The following MARCHF10 variants were observed in gnomAD, a reference collection of about 807,000 sequenced individuals.
MARCHF10 encodes probable E3 ubiquitin-protein ligase MARCHF10.
A neutral mutation model predicts 76.2 loss-of-function variants in MARCHF10; 64 were observed. The observed-to-expected ratio is 0.84, with a 90% confidence interval of 0.69 to 1.03. The LOEUF (loss-of-function observed/expected upper bound fraction) is 1.03, where lower values mean the gene tolerates loss of function less well. Among genes scored for constraint, MARCHF10 ranks in the 50% least tolerant of loss-of-function variants. The pLI is 0.00. For missense variants in MARCHF10, 875 were observed against 958.0 expected (o/e 0.91, Z 1.14); for synonymous variants, 340 against 357.5 (o/e 0.95, Z 0.55).
At chr17:62,788,404 A>ATC in intron 3 of MARCHF10, 76 bp downstream of exon 3, 2 of 1,557,436 alleles carry the variant, frequency 1.3e-6, no homozygotes, top group Non-Finnish European at 1.7e-6. Flanking sequence ...TTTTTCCTAC[A>ATC]TCACACACAC....
chr17:62,704,575 C>T (rs1441616432), intron 10 of MARCHF10, among the ~76,000 whole-genome samples: 1 of 152,258 alleles, frequency 6.6e-6, no homozygotes, highest in Non-Finnish European at 1.5e-5. Flanking sequence ...TGGTTCGCGC[C>T]TTCCAGGCAG....
At chr17:62,759,100 G>C (rs531678961) in intron 4 of MARCHF10, among the ~76,000 whole-genome samples, 14 of 152,344 alleles carry the variant, frequency 9.2e-5, no homozygotes, top group Admixed American at 9.1e-4. Context: ...TTTTCTCTCA[G>C]AGAGGACAAA....
intron 2 of MARCHF10, among the ~76,000 whole-genome samples, 187 bp downstream of exon 2, chr17:62,801,459 G>GT (rs370268977): frequency 0.062 from 8,507 of 137,056 alleles, 583 homozygotes; most frequent in African/African-American, 0.17. Context: ...AGCTATCCCC[G>GT]TTTTTTTTTT....
At chr17:62,715,146 C>T (rs1219488306) in intron 8 of MARCHF10, among the ~76,000 whole-genome samples, 3 of 152,200 alleles carry the variant, frequency 2.0e-5, no homozygotes, top group Admixed American at 1.3e-4. Flanking sequence ...TGCTAACGCT[C>T]CTGGTTTGGG....
chr17:62,751,492 T>C (rs2091896815), intron 4 of MARCHF10, among the ~76,000 whole-genome samples: 1 of 152,174 alleles, frequency 6.6e-6, no homozygotes, highest in African/African-American at 2.4e-5. Flanking sequence ...AGCAAGGATC[T>C]GAGACAGCTG....
intron 1 of MARCHF10, among the ~76,000 whole-genome samples, chr17:62,805,970 C>G (rs537126955): frequency 6.6e-5 from 10 of 152,006 alleles, no homozygotes; most frequent in Non-Finnish European, 1.5e-4. Flanking sequence ...AAAAGTCTCT[C>G]TTCCTTCCCA....
chr17:62,774,076 T>A (rs569641750), intron 3 of MARCHF10, among the ~76,000 whole-genome samples: 1 of 152,006 alleles, frequency 6.6e-6, no homozygotes, highest in Admixed American at 6.5e-5. Context: ...GAAAGAGGAA[T>A]CCACGGGCGA....
intron 6 of MARCHF10, among the ~76,000 whole-genome samples, chr17:62,734,610 A>G (rs1390200330): frequency 6.6e-6 from 1 of 152,262 alleles, no homozygotes; most frequent in Non-Finnish European, 1.5e-5. Flanking sequence ...ATGCAAAGAT[A>G]AAAGACTAGA....
At chr17:62,715,898 G>A (rs990384270) in intron 8 of MARCHF10, among the ~76,000 whole-genome samples, 2 of 152,166 alleles carry the variant, frequency 1.3e-5, no homozygotes, top group Non-Finnish European at 2.9e-5. Context: ...AGGAAAACGT[G>A]CTCTGACGGG....
At position 62,744,817 on chromosome 17, in the gene MARCHF10, C is replaced by G. The variant is rs1378885701; in HGVS notation, c.383-289G>C. ...TCACCTGAGGTCAGGAGTTTGAGACCAGCATGGCCAACATGGTGAAACCCC... is the reference window on the plus strand; with the variant it reads ...TCACCTGAGGTCAGGAGTTTGAGACGAGCATGGCCAACATGGTGAAACCCC... On this transcript the variant is annotated intron_variant, in intron 4 of 10. Transcript: ENST00000311269. Among the ~76,000 whole-genome samples, 3 of 151,914 alleles carry G rather than the reference C, an allele frequency of 2.0e-5. No individual in the cohort carries two copies. The East Asian group carries it at 5.9e-4, about 30-fold the overall frequency.
chr17:62,756,379 G>C (rs1047835290), intron 4 of MARCHF10, among the ~76,000 whole-genome samples: 1 of 152,164 alleles, frequency 6.6e-6, no homozygotes, highest in East Asian at 1.9e-4. Flanking sequence ...CCAGGAGTTT[G>C]AGGTTGCAGT....
At chr17:62,759,672 C>T (rs2092140861) in intron 4 of MARCHF10, among the ~76,000 whole-genome samples, 163 bp downstream of exon 4, 1 of 152,072 alleles carries the variant, frequency 6.6e-6, no homozygotes, top group African/African-American at 2.4e-5. Context: ...GATTTCACCA[C>T]GCTGGCCAGG....
chr17:62,789,772 T>C (rs2092811773), intron 2 of MARCHF10, among the ~76,000 whole-genome samples: 1 of 152,076 alleles, frequency 6.6e-6, no homozygotes. Flanking sequence ...ACCCTGTTTC[T>C]ACTAAAAATA....
intron 2 of MARCHF10, among the ~76,000 whole-genome samples, chr17:62,791,726 G>A (rs1025248737): frequency 2.6e-5 from 4 of 152,170 alleles, no homozygotes; most frequent in African/African-American, 9.7e-5. Flanking sequence ...CAGACTCACA[G>A]TCGTAGAAGC....
chr17:62,775,507 C>CT (rs531530683), intron 3 of MARCHF10, among the ~76,000 whole-genome samples: 8 of 146,702 alleles, frequency 5.5e-5, no homozygotes, highest in African/African-American at 2.1e-4. Context: ...GTCAGCCACT[C>CT]GGGGGGGGGC....
intron 3 of MARCHF10, among the ~76,000 whole-genome samples, chr17:62,769,692 G>C (rs1230164750): frequency 6.6e-6 from 1 of 152,184 alleles, no homozygotes; most frequent in African/African-American, 2.4e-5. Context: ...GGGATTGTAG[G>C]CGTCAGCCAC....
At chr17:62,709,969 G>C (rs1040950652) in intron 9 of MARCHF10, among the ~76,000 whole-genome samples, 3 of 152,210 alleles carry the variant, frequency 2.0e-5, no homozygotes, top group Admixed American at 6.5e-5. Flanking sequence ...CTTGTGGTGA[G>C]AGAAGAGTGT....
intron 2 of MARCHF10, among the ~76,000 whole-genome samples, chr17:62,796,046 T>C (rs747370076): frequency 1.3e-5 from 2 of 151,762 alleles, no homozygotes; most frequent in African/African-American, 2.4e-5. Flanking sequence ...ACTCTGTCGC[T>C]GAGGCTGGAG....
At chr17:62,779,759 C>A (rs1340641699) in intron 3 of MARCHF10, among the ~76,000 whole-genome samples, 1 of 152,206 alleles carries the variant, frequency 6.6e-6, no homozygotes, top group Non-Finnish European at 1.5e-5. Flanking sequence ...TGCCACAGAA[C>A]TTTCTGCAGT....
Sources: allele counts gnomAD v4.1 joint callset (sites outside exome capture counted in the v4.1 genomes callset), GRCh38; gene constraint gnomAD v4.1.1; transcripts MANE v1.5; gene names NCBI Gene and HGNC (gene_info 2026-07-23, HGNC 2026-07-21).